Variants in GRM3 observed in about 807,000 individuals in gnomAD.
The protein encoded by GRM3 is metabotropic glutamate receptor 3.
GRM3 carries 26 observed loss-of-function variants against 70.5 expected under a neutral mutation model. The observed-to-expected ratio is 0.37, with a 90% CI of 0.27 to 0.51. The LOEUF (loss-of-function observed/expected upper bound fraction) is 0.51. GRM3 is among the 20% of genes least tolerant of loss of function. The pLI, the probability that GRM3 is intolerant of heterozygous loss-of-function variation, is 0.93. For missense variants in GRM3, 859 were observed against 1,123.8 expected (o/e 0.76, Z 3.37); for synonymous variants, 443 against 434.9 (o/e 1.02, Z -0.23).
At chr7:86,649,621 T>A (rs274615) in intron 1 of GRM3, among the ~76,000 whole-genome samples, 85,182 of 151,672 alleles carry the variant, frequency 0.56, 24,296 homozygotes, top group East Asian at 0.79. Flanking sequence ...TAAATTCAGT[T>A]GAAAGGGTAT....
chr7:86,794,577 TA>T (rs757948028), intron 3 of GRM3, among the ~76,000 whole-genome samples: 3 of 152,218 alleles, frequency 2.0e-5, no homozygotes, highest in African/African-American at 4.8e-5. Flanking sequence ...GAAGGATGGC[TA>T]AAGAACTTGA....
intron 5 of GRM3, among the ~76,000 whole-genome samples, chr7:86,852,520 A>G (rs987185131): frequency 6.6e-6 from 1 of 152,194 alleles, no homozygotes; most frequent in Non-Finnish European, 1.5e-5. Flanking sequence ...CAGTATGCTA[A>G]TCTGATAGTG....
intron 1 of GRM3, among the ~76,000 whole-genome samples, chr7:86,678,024 G>A (rs1562822654): frequency 6.6e-6 from 1 of 151,766 alleles, no homozygotes; most frequent in South Asian, 2.1e-4. Context: ...TTAAAATTTT[G>A]TTCTATAAAA....
chr7:86,711,623 G>C (rs1030762186), intron 1 of GRM3, among the ~76,000 whole-genome samples: 1 of 152,042 alleles, frequency 6.6e-6, no homozygotes, highest in Non-Finnish European at 1.5e-5. Context: ...TAGCTTTTCA[G>C]CTAATGGAAG....
intron 2 of GRM3, chr7:86,776,160 T>C (rs1045386984): frequency 8.5e-5 from 13 of 152,200 alleles, no homozygotes; most frequent in African/African-American, 2.9e-4. Flanking sequence ...ATTTACTACA[T>C]GCCCATCAGT....
intron 1 of GRM3, among the ~76,000 whole-genome samples, chr7:86,694,558 A>C (rs2116051375): frequency 6.6e-6 from 1 of 151,700 alleles, no homozygotes; most frequent in South Asian, 2.1e-4. Flanking sequence ...AAAGAAAGAA[A>C]ATAAAAAAAG....
At chr7:86,821,580 C>T (rs546251470) in intron 3 of GRM3, among the ~76,000 whole-genome samples, 1 of 152,218 alleles carries the variant, frequency 6.6e-6, no homozygotes, top group Non-Finnish European at 1.5e-5. Flanking sequence ...CATGGTAAAG[C>T]TGAGATTCCA....
At chr7:86,834,935 A>C (rs1240330707) in intron 3 of GRM3, among the ~76,000 whole-genome samples, 1 of 152,090 alleles carries the variant, frequency 6.6e-6, no homozygotes, top group Non-Finnish European at 1.5e-5. Flanking sequence ...AACTTTCTCT[A>C]ATCATAGAAT....
intron 3 of GRM3, among the ~76,000 whole-genome samples, chr7:86,809,090 A>G (rs1319750989): frequency 6.6e-6 from 1 of 152,116 alleles, no homozygotes; most frequent in Non-Finnish European, 1.5e-5. Context: ...ATTCTAATAC[A>G]TATCTTCTAT....
chr7:86,799,221 C>T (rs911200618), intron 3 of GRM3, among the ~76,000 whole-genome samples: 3 of 152,084 alleles, frequency 2.0e-5, no homozygotes, highest in Non-Finnish European at 2.9e-5. Flanking sequence ...GAGACTTTGC[C>T]AAAGTTGCTT....
chr7:86,841,879 A>G lies in GRM3; in HGVS notation c.2391+1974A>G, dbSNP rs940123703. 1.3e-5 allele frequency among the ~76,000 whole-genome samples: 2 copies of G among 152,232 alleles called. 1 individual carries two copies. Among genetic ancestry groups the G allele is most frequent in the East Asian group, 3.8e-4 (2 of 5,200 alleles). On this transcript the variant is annotated intron_variant, in intron 4 of 5. Coordinates refer to ENST00000361669, the MANE Select transcript of GRM3 (RefSeq NM_000840.3). ...GAACTTTCACCACATAGAAGAAGTC[A>G]TAAGGCAAATGAAATGGGACAGAGG... is the stretch of plus-strand genomic sequence containing the variant.
intron 2 of GRM3, among the ~76,000 whole-genome samples, chr7:86,779,400 G>A (rs921095929): frequency 2.6e-5 from 4 of 152,034 alleles, no homozygotes; most frequent in South Asian, 2.1e-4. Context: ...CTTCCCCGTC[G>A]TGTGTGCATG....
Position 86,864,638 on chromosome 7 carries a change from CAAAAAAAAA to C in GRM3, c.*287_*295del, listed in dbSNP as rs796541263. The C allele has an allele frequency of 2.5e-5, 1 of 39,802 alleles. No individual in the cohort carries two copies. The highest frequency in any genetic ancestry group is 5.3e-4 in the East Asian group (1 of 1,902). 2.5% of individuals were successfully genotyped at this position (39,802 alleles called of 1,614,324 possible). A position where few individuals can be genotyped will look rare whatever the true frequency, so the allele number is the denominator to read the frequency against. On this transcript the variant is annotated 3_prime_UTR_variant, in exon 6 of 6. Coordinates refer to ENST00000361669, the MANE Select transcript of GRM3 (RefSeq NM_000840.3). Reference sequence around the variant, plus strand: ...CTGACATGGTCAGTCTACTAAAAAACAAAAAAAAAAAACAAAAAAAAAAAAACAAAAGAA... The same window carrying C: ...CTGACATGGTCAGTCTACTAAAAAACAAACAAAAAAAAAAAAACAAAAGAA...
chr7:86,706,169 G>A (rs1369117574), intron 1 of GRM3, among the ~76,000 whole-genome samples: 1 of 152,022 alleles, frequency 6.6e-6, no homozygotes, highest in Non-Finnish European at 1.5e-5. Context: ...TTTCAATTCT[G>A]ACTTTCCTAT....
In GRM3 at chr7:86,839,622, T is replaced by C. The variant is rs764994249; in HGVS notation, c.2108T>C (p.Val703Ala). 1 of 1,614,022 alleles carries C rather than the reference T, an allele frequency of 6.2e-7. No individual in the cohort carries two copies. The highest frequency in any genetic ancestry group is 1.1e-5 in the South Asian group (1 of 91,062). ...CTGATCCTGGTGCAAATTGTGATGGTGTCTGTGTGGCTCATCCTGGAGGCC... is the reference window on the plus strand; with the variant it reads ...CTGATCCTGGTGCAAATTGTGATGGCGTCTGTGTGGCTCATCCTGGAGGCC... ...LGLILVQIVMVSVWLILEAPG... is the reference protein window; with the variant it reads ...LGLILVQIVMASVWLILEAPG... The change falls in exon 4 of 6, where the codon GTG (valine) becomes GCG (alanine). Residue 703 changes from valine to alanine, a missense_variant. Transcript: ENST00000361669. The surrounding 1 kb of genome is among the most constrained non-coding windows in gnomAD (Gnocchi z 4.5).
rs757671372 is a variant in GRM3, at chr7:86,850,476, A to G, written c.2498A>G (p.Asn833Ser). Reference protein sequence around the residue: ...VHIILFQPQKNVVTHRLHLNR... With the variant: ...VHIILFQPQKSVVTHRLHLNR... ...ATCATCCTGTTTCAACCCCAGAAGAATGTTGTCACACACAGACTGCACCTC... is the reference window on the plus strand; with the variant it reads ...ATCATCCTGTTTCAACCCCAGAAGAGTGTTGTCACACACAGACTGCACCTC... The change falls in exon 5 of 6, where the codon AAT (asparagine) becomes AGT (serine). Residue 833 changes from asparagine to serine, a missense_variant. Transcript: ENST00000361669. The G allele has an allele frequency of 6.2e-7, 1 of 1,612,184 alleles. No homozygotes were observed. Among genetic ancestry groups the G allele is most frequent in the Admixed American group, 1.7e-5 (1 of 59,940 alleles).
chr7:86,716,327 A>G (rs1462719463), intron 1 of GRM3, among the ~76,000 whole-genome samples: 1 of 151,990 alleles, frequency 6.6e-6, no homozygotes, highest in Non-Finnish European at 1.5e-5. Flanking sequence ...GAAGAGAAAC[A>G]AACATTTACT....
chr7:86,658,135 C>T (rs1793794459), intron 1 of GRM3, among the ~76,000 whole-genome samples: 1 of 152,214 alleles, frequency 6.6e-6, no homozygotes, highest in African/African-American at 2.4e-5. Context: ...CTCCAGGGCT[C>T]TGCAAGAGCC....
chr7:86,789,861 A>C (rs1263849465), intron 3 of GRM3, among the ~76,000 whole-genome samples: 3 of 152,220 alleles, frequency 2.0e-5, no homozygotes, highest in Non-Finnish European at 2.9e-5. Context: ...GCATTGGTCA[A>C]CATGGATCTT....
Sources: gnomAD v4.1 joint callset for allele counts (sites outside exome capture counted in the v4.1 genomes callset) on GRCh38, gnomAD v4.1.1 for gene constraint, Gnocchi (gnomAD v3.1) non-coding constraint, MANE v1.5 for transcripts, NCBI Gene and HGNC (gene_info 2026-07-23, HGNC 2026-07-21) for gene names.